ZDBF2: variants seen among roughly 807,000 people sequenced by gnomAD.
ZDBF2 encodes zinc finger DBF-type containing 2.
In ZDBF2, 6 loss-of-function variants were observed where a neutral mutation model predicts 9.4. That is an observed-to-expected ratio of 0.64 (90% confidence interval 0.35 to 1.27). The LOEUF is 1.27. ZDBF2 is among the 50% of genes most tolerant of loss of function. The probability of loss-of-function intolerance (pLI) is 0.03; values close to 1 mark genes in which losing one functional copy is unlikely to be tolerated. For synonymous variants in ZDBF2, 905 were observed against 946.3 expected (o/e 0.96, Z 0.80); for missense variants, 2,697 against 2,766.8 (o/e 0.97, Z 0.57).
intron 3 of ZDBF2, among the ~76,000 whole-genome samples, chr2:206,287,988 A>G (rs1001751516): frequency 3.9e-5 from 6 of 151,900 alleles, no homozygotes; most frequent in African/African-American, 1.5e-4. Flanking sequence ...AATTGTCTAT[A>G]TATATTTTCT....
Position 206,309,875 on chromosome 2 carries a change from A to C in ZDBF2, c.5347A>C (p.Lys1783Gln), listed in dbSNP as rs1362120966. 4 of 1,613,986 alleles carry C rather than the reference A, an allele frequency of 2.5e-6. No homozygotes were observed. The highest frequency in any genetic ancestry group is 3.4e-6 in the Non-Finnish European group (4 of 1,179,892). ...GAAGGTATCTTCTGACTTGAAAGAA[A>C]AGAACCATGATTCCCAGTCAAGCTC... Reference protein sequence around the residue: ...CKKVSSDLKEKNHDSQSSSVL... With the variant: ...CKKVSSDLKEQNHDSQSSSVL... Residue 1783 changes from lysine (K) to glutamine (Q), a missense_variant, in exon 5 of 5, where the codon AAG becomes CAG. By Grantham distance (53) the Lys-to-Gln change is moderately conservative. Coordinates refer to ENST00000374423, the MANE Select transcript of ZDBF2 (RefSeq NM_020923.3).
chr2:206,310,279 C>G lies in ZDBF2; in HGVS notation c.5751C>G (p.Cys1917Trp). ...DDLSVALDKP[C>W]HRHPPAERPP... ...TGTCAGTGGCCTTAGATAAACCATG[C>G]CATCGTCATCCTCCAGCAGAGAGGC... is the stretch of plus-strand genomic sequence containing the variant. Residue 1917 changes from cysteine to tryptophan, a missense_variant, in exon 5 of 5, where the codon TGC becomes TGG. Physicochemically the swap from Cys to Trp is radical, Grantham distance 215. Coordinates refer to ENST00000374423, the MANE Select transcript of ZDBF2 (RefSeq NM_020923.3). 1 of 1,613,918 alleles carries G rather than the reference C, an allele frequency of 6.2e-7. No individual in the cohort carries two copies. The highest frequency in any genetic ancestry group is 8.5e-7 in the Non-Finnish European group (1 of 1,179,880).
At position 206,309,041 on chromosome 2, in the gene ZDBF2, C is replaced by T; in HGVS notation, c.4513C>T (p.Pro1505Ser). ...AGAAATGATGTATGATTCTGATGTT[C>T]CTTTTCAAATAGTAGTTAACCAATT... ...DSEMMYDSDV[P>S]FQIVVNQFPG... The change falls in exon 5 of 5, where the codon CCT becomes TCT. Residue 1505 changes from proline to serine, a missense_variant. Transcript: ENST00000374423. 3.1e-6 allele frequency: 5 copies of T among 1,613,782 alleles called. No homozygotes were observed. Among genetic ancestry groups the T allele is most frequent in the Non-Finnish European group, 4.2e-6 (5 of 1,179,832 alleles).
intron 3 of ZDBF2, among the ~76,000 whole-genome samples, chr2:206,286,576 T>A (rs1443106733): frequency 6.7e-6 from 1 of 149,522 alleles, no homozygotes; most frequent in Admixed American, 6.7e-5. Context: ...AAAAAAAAAA[T>A]AAAAGAGATG....
Position 206,309,104 on chromosome 2 carries a change from G to A in ZDBF2, c.4576G>A (p.Val1526Ile), listed in dbSNP as rs764310127. ...CAAAGAAACCCACCTTCCAAAGGTG[G>A]TACTTGTGGATCTGGTGCCCGGTGA... ...SVKETHLPKVVLVDLVPGDSD... is the reference protein window; with the variant it reads ...SVKETHLPKVILVDLVPGDSD... The change falls in exon 5 of 5, where the codon GTA (valine) becomes ATA (isoleucine). Residue 1526 changes from valine to isoleucine, a missense_variant. By Grantham distance (29) the Val-to-Ile change is conservative. This residue lies in a region of ZDBF2 where 1,783 missense variants were observed against 1,776.5 expected (regional missense o/e 1.00). Transcript: ENST00000374423. 2 of 1,613,908 alleles carry A rather than the reference G, an allele frequency of 1.2e-6. No homozygotes were observed. Among genetic ancestry groups the A allele is most frequent in the Admixed American group, 1.7e-5 (1 of 60,014 alleles).
At chr2:206,297,997 G>A (rs116430436) in intron 4 of ZDBF2, among the ~76,000 whole-genome samples, 3,712 of 152,192 alleles carry the variant, frequency 0.024, 110 homozygotes, top group African/African-American at 0.069. Flanking sequence ...TTTTTAAAAG[G>A]TTAGCAACAG....
In ZDBF2 at chr2:206,310,872, G is replaced by T. The variant is rs955439594; in HGVS notation, c.6344G>T (p.Gly2115Val). The change falls in exon 5 of 5, where the codon GGA becomes GTA. Residue 2115 changes from glycine (G) to valine (V), a missense_variant. Coordinates refer to ENST00000374423, the MANE Select transcript of ZDBF2 (RefSeq NM_020923.3). The stretch of plus-strand genomic sequence containing the variant: ...TTAATGGCAGTGCCGGCAAGATATG[G>T]ATTTAATTCACATCAGGGAACCAGT... ...APLMAVPARY[G>V]FNSHQGTSDS... 1.2e-6 allele frequency: 2 copies of T among 1,613,800 alleles called. No individual in the cohort carries two copies. The highest frequency in any genetic ancestry group is 2.7e-5 in the African/African-American group (2 of 74,892).
Position 206,296,002 on chromosome 2 carries a change from C to T in ZDBF2, c.61-1244C>T, listed in dbSNP as rs887834155. 5.3e-5 allele frequency among the ~76,000 whole-genome samples: 8 copies of T among 152,148 alleles called. No individual in the cohort carries two copies. The South Asian group carries it at 8.3e-4, about 16-fold the overall frequency. On this transcript the variant is annotated intron_variant, in intron 3 of 4. Transcript: ENST00000374423. ...TGTCAATCTTTGACCTCTTTTAATACAATAATCCAACCCTGTTCTCTCTCT... is the reference window on the plus strand; with the variant it reads ...TGTCAATCTTTGACCTCTTTTAATATAATAATCCAACCCTGTTCTCTCTCT...
chr2:206,279,835 C>T lies in ZDBF2; in HGVS notation c.-50+243C>T, dbSNP rs536840529. On this transcript the variant is annotated intron_variant, in intron 2 of 4. Transcript: ENST00000374423. ...ATTTTATTTTTTCGAGACAAAGCCTCGCTCTGTCACCCAGGCTGGAGTGCA... is the reference window on the plus strand; with the variant it reads ...ATTTTATTTTTTCGAGACAAAGCCTTGCTCTGTCACCCAGGCTGGAGTGCA... Among the ~76,000 whole-genome samples the T allele has an allele frequency of 2.6e-4, 40 of 152,254 alleles. No individual in the cohort carries two copies. The South Asian group carries it at 5.8e-3, about 22-fold the overall frequency.
At chr2:206,277,267 C>T (rs1266317173) in intron 1 of ZDBF2, among the ~76,000 whole-genome samples, 1 of 151,394 alleles carries the variant, frequency 6.6e-6, no homozygotes, top group Admixed American at 6.6e-5. Flanking sequence ...CCATGTTTAC[C>T]TCTGCAGCTG....
At chr2:206,285,041 T>G (rs1192359911) in intron 3 of ZDBF2, among the ~76,000 whole-genome samples, 4 of 152,228 alleles carry the variant, frequency 2.6e-5, no homozygotes, top group Non-Finnish European at 5.9e-5. Context: ...TTTTTTCTTT[T>G]ATCTGTTGAT....
At chr2:206,301,985 A>G (rs1213327245) in intron 4 of ZDBF2, among the ~76,000 whole-genome samples, 2 of 151,274 alleles carry the variant, frequency 1.3e-5, no homozygotes, top group Non-Finnish European at 2.9e-5. Context: ...TTTTAGCTCA[A>G]GAGTTTTTCT....
chr2:206,309,971 C>A lies in ZDBF2; in HGVS notation c.5443C>A (p.Pro1815Thr). ...TGTCATAGAGGATAATCCTGATGAA[C>A]CAGTTCTTGAAGCCTTGCCTCATGT... ...KDVIEDNPDE[P>T]VLEALPHVPP... is the part of the protein sequence containing the mutation. The change falls in exon 5 of 5, where the codon CCA becomes ACA. Residue 1815 changes from proline (P) to threonine (T), a missense_variant. By Grantham distance (38) the Pro-to-Thr change is conservative. Coordinates refer to ENST00000374423, the MANE Select transcript of ZDBF2 (RefSeq NM_020923.3). 1.2e-6 allele frequency: 2 copies of A among 1,613,250 alleles called. No individual in the cohort carries two copies. The highest frequency in any genetic ancestry group is 1.7e-6 in the Non-Finnish European group (2 of 1,179,716).
chr2:206,298,094 GA>G (rs1692294224), intron 4 of ZDBF2, among the ~76,000 whole-genome samples: 1 of 152,190 alleles, frequency 6.6e-6, no homozygotes, highest in African/African-American at 2.4e-5. Flanking sequence ...TAATTCTGAG[GA>G]AAAGAGGTAG....
At chr2:206,297,770 C>T (rs369652573) in intron 4 of ZDBF2, among the ~76,000 whole-genome samples, 43 of 152,256 alleles carry the variant, frequency 2.8e-4, no homozygotes, top group African/African-American at 9.1e-4. Flanking sequence ...ACCTCCACCA[C>T]CCAGGTTCAA....
chr2:206,296,963 CTT>C (rs890702840), intron 3 of ZDBF2, among the ~76,000 whole-genome samples: 3 of 152,104 alleles, frequency 2.0e-5, no homozygotes, highest in African/African-American at 7.2e-5. Flanking sequence ...CTGTTAGAAA[CTT>C]AGGAGGTTTC....
chr2:206,275,278 CG>C (rs1690927529), intron 1 of ZDBF2, among the ~76,000 whole-genome samples: 1 of 151,802 alleles, frequency 6.6e-6, no homozygotes, highest in East Asian at 2.0e-4. Context: ...GGGCGGTCTG[CG>C]GGGTCGGATT....
chr2:206,305,338 T>G lies in ZDBF2; in HGVS notation c.810T>G (p.Val270=), dbSNP rs764121787. 1 of 1,612,394 alleles carries G rather than the reference T, an allele frequency of 6.2e-7. No individual in the cohort carries two copies. Among genetic ancestry groups the G allele is most frequent in the Non-Finnish European group, 8.5e-7 (1 of 1,179,236 alleles). The change falls in exon 5 of 5, where the codon GTT becomes GTG. Residue 270 remains valine (V), a synonymous_variant. Coordinates refer to ENST00000374423, the MANE Select transcript of ZDBF2 (RefSeq NM_020923.3). ...TACGCATGAATTCAGATAAGTTGGT[T>G]TTGTGGAAAGATGTAAAATCTCAGG... The part of the protein sequence containing the change: ...KSLRMNSDKL[V]LWKDVKSQGK...
chr2:206,291,224 G>T (rs180805417), intron 3 of ZDBF2, among the ~76,000 whole-genome samples: 1 of 152,268 alleles, frequency 6.6e-6, no homozygotes, highest in East Asian at 1.9e-4. Context: ...GGGGTGGAGG[G>T]GTGGTTTTGG....
Sources: gnomAD v4.1 joint callset for allele counts (sites outside exome capture counted in the v4.1 genomes callset) on GRCh38, gnomAD v4.1.1 for gene constraint, gnomAD v4.1.1 regional missense constraint, MANE v1.5 for transcripts, NCBI Gene and HGNC (gene_info 2026-07-23, HGNC 2026-07-21) for gene names.